KLRK1: variants seen among roughly 807,000 people sequenced by gnomAD.
KLRK1 encodes the protein NKG2-D type II integral membrane protein.
KLRK1 carries 40 observed loss-of-function variants against 31.3 expected under a neutral mutation model. That is an observed-to-expected ratio of 1.28 (90% CI 0.99 to 1.67). The LOEUF is 1.67. Ranked by LOEUF, KLRK1 falls within the 40% of genes most tolerant of loss-of-function variation. The pLI is 0.00. For synonymous variants in KLRK1, 77 were observed against 77.3 expected (o/e 1.00, Z 0.02); for missense variants, 251 against 260.0 (o/e 0.97, Z 0.24).
chr12:10,385,665 C>T (rs996772787), intron 3 of KLRK1, among the ~76,000 whole-genome samples: 1 of 151,982 alleles, frequency 6.6e-6, no homozygotes, highest in African/African-American at 2.4e-5. Flanking sequence ...ATTACAGCTA[C>T]ATGCGGGATT....
chr12:10,375,259 A>G (rs1476770867), intron 7 of KLRK1, among the ~76,000 whole-genome samples: 3 of 152,244 alleles, frequency 2.0e-5, no homozygotes, highest in Non-Finnish European at 4.4e-5. Flanking sequence ...AAATTTAAAA[A>G]TCAGCGAAAA....
intron 3 of KLRK1, among the ~76,000 whole-genome samples, chr12:10,380,555 G>C (rs1863056302): frequency 1.3e-5 from 2 of 152,158 alleles, no homozygotes; most frequent in South Asian, 4.1e-4. Context: ...AAGTCTCTCT[G>C]AGGCACAGAT....
At chr12:10,389,272 C>T (rs1282777392) in intron 1 of KLRK1, among the ~76,000 whole-genome samples, 1 of 151,756 alleles carries the variant, frequency 6.6e-6, no homozygotes, top group Non-Finnish European at 1.5e-5. Context: ...AGTTTTCTTT[C>T]TGCAAGCTAA....
At chr12:10,379,235 G>GA (rs879700584) in intron 5 of KLRK1, 1 of 102,528 alleles carries the variant, frequency 9.8e-6, no homozygotes, top group Non-Finnish European at 1.8e-5. Context: ...AAAAAAAAAA[G>GA]AGAGAGAGAG....
At position 10,379,705 on chromosome 12, in the gene KLRK1, A is replaced by G. The variant is rs749014268; in HGVS notation, c.236T>C (p.Leu79Pro). The G allele has an allele frequency of 2.5e-6, 4 of 1,605,220 alleles. No individual in the cohort carries two copies. Among genetic ancestry groups the G allele is most frequent in the African/African-American group, 1.3e-5 (1 of 74,684 alleles). The change falls in exon 4 of 8, where the codon CTA becomes CCA. Residue 79 changes from leucine to proline, a missense_variant. Transcript: ENST00000240618. ...ACTTCTCTGTTGTCACTTACAGTTT[A>G]GGAATACAGCACTCCATATTGTTAC... ...IMVTIWSAVF[L>P]NSLFNQEVQI...
chr12:10,376,881 A>ATCTCGGCTCAC (rs147766287), intron 7 of KLRK1, among the ~76,000 whole-genome samples: 6,539 of 152,058 alleles, frequency 0.043, 393 homozygotes, highest in South Asian at 0.27. Flanking sequence ...CAGCGGCGCA[A>ATCTCGGCTCAC]TCTCGGCTCA....
chr12:10,379,680 A>T lies in KLRK1; in HGVS notation c.241+20T>A. On this transcript the variant is annotated intron_variant, in intron 4 of 7. Coordinates refer to ENST00000240618, the MANE Select transcript of KLRK1 (RefSeq NM_007360.4). ...TGTTAAATTGACAATGTTGCAATCT[A>T]CTTCTCTGTTGTCACTTACAGTTTA... 6.3e-7 allele frequency: 1 copy of T among 1,579,866 alleles called. No homozygotes were observed. The highest frequency in any genetic ancestry group is 8.6e-7 in the Non-Finnish European group (1 of 1,163,762).
At chr12:10,384,800 T>G (rs986571475) in intron 3 of KLRK1, among the ~76,000 whole-genome samples, 1 of 151,860 alleles carries the variant, frequency 6.6e-6, no homozygotes, top group South Asian at 2.1e-4. Flanking sequence ...ATTGACAGAG[T>G]GAAGAGACAA....
chr12:10,386,806 G>T, intron 3 of KLRK1, 97 bp downstream of exon 3: 1 of 757,734 alleles, frequency 1.3e-6, no homozygotes, highest in Non-Finnish European at 2.0e-6. Context: ...TCCTCATGAA[G>T]ATAAAGTCAA....
rs867366033 is a variant in KLRK1, at chr12:10,388,807, C to A, written c.4G>T (p.Gly2Trp). M[G>W]WIRGRRSRHS... is the part of the protein sequence containing the mutation. Reference sequence around the variant, plus strand: ...CGAGACCTCCGACCACGAATCCACCCCATCAAATACTTATAAGTGCACGTC... The same window carrying A: ...CGAGACCTCCGACCACGAATCCACCACATCAAATACTTATAAGTGCACGTC... The change falls in exon 2 of 8, where the codon GGG becomes TGG. Residue 2 changes from glycine to tryptophan, a missense_variant. Physicochemically the swap from Gly to Trp is radical, Grantham distance 184. Coordinates refer to ENST00000240618, the MANE Select transcript of KLRK1 (RefSeq NM_007360.4). 6.2e-7 allele frequency: 1 copy of A among 1,613,908 alleles called. No homozygotes were observed. The highest frequency in any genetic ancestry group is 1.1e-5 in the South Asian group (1 of 91,074).
rs1863011853 is a variant in KLRK1, at chr12:10,378,725, TATTA to T, written c.278-24_278-21del. On this transcript the variant is annotated intron_variant, in intron 5 of 7. Coordinates refer to ENST00000240618, the MANE Select transcript of KLRK1 (RefSeq NM_007360.4). Reference sequence around the variant, plus strand: ...AACTTTCTGGAAAAGGAGAATATATTATTAATTCTACACATCTGAACCATTATAG... The same window carrying T: ...AACTTTCTGGAAAAGGAGAATATATTATTCTACACATCTGAACCATTATAG... 4 of 1,579,592 alleles carry T rather than the reference TATTA, an allele frequency of 2.5e-6. No individual in the cohort carries two copies. Among genetic ancestry groups the T allele is most frequent in the African/African-American group, 2.7e-5 (2 of 72,872 alleles).
rs994385517 is a variant in KLRK1 at position 10,376,372 on chromosome 12, A to T, written c.533+1760T>A. On this transcript the variant is annotated intron_variant, in intron 7 of 7. Coordinates refer to ENST00000240618, the MANE Select transcript of KLRK1 (RefSeq NM_007360.4). ...TAATGAAAATGAAATTAAATTAGAA[A>T]TCAATAATAAAAATGTCTGAAAAAT... is the stretch of plus-strand genomic sequence containing the variant. 6.6e-5 allele frequency among the ~76,000 whole-genome samples: 10 copies of T among 152,364 alleles called. No individual in the cohort carries two copies. The East Asian group carries it at 7.7e-4, about 12-fold the overall frequency.
At chr12:10,379,675 A>AT in intron 4 of KLRK1, 25 bp downstream of exon 4, 1 of 1,570,378 alleles carries the variant, frequency 6.4e-7, no homozygotes. Context: ...ACAATGTTGC[A>AT]ATCTACTTCT....
intron 3 of KLRK1, 75 bp downstream of exon 3, chr12:10,386,828 C>G (rs1283181319): frequency 1.8e-5 from 19 of 1,055,258 alleles, no homozygotes; most frequent in Non-Finnish European, 2.5e-5. Context: ...TGAATGATTG[C>G]CATTCATTTA....
chr12:10,373,242 G>A lies in KLRK1; in HGVS notation c.534-11C>T, dbSNP rs1862896538. ...TCAATTATTGTTAGTCTAGAGGAGA[G>A]ACAATTACAAATTACATACATGATT... is the stretch of plus-strand genomic sequence containing the variant. On this transcript the variant is annotated splice_polypyrimidine_tract_variant and intron_variant, in intron 7 of 7. Transcript: ENST00000240618. 3 of 1,558,528 alleles carry A rather than the reference G, an allele frequency of 1.9e-6. No homozygotes were observed. Among genetic ancestry groups the A allele is most frequent in the East Asian group, 4.7e-5 (2 of 42,782 alleles).
chr12:10,375,647 T>A (rs1378340907), intron 7 of KLRK1, among the ~76,000 whole-genome samples: 1 of 152,204 alleles, frequency 6.6e-6, no homozygotes, highest in Non-Finnish European at 1.5e-5. Context: ...ATATTTGTGA[T>A]ATTATGAGAC....
chr12:10,375,427 A>C (rs1313079275), intron 7 of KLRK1, among the ~76,000 whole-genome samples: 1 of 152,204 alleles, frequency 6.6e-6, no homozygotes, highest in African/African-American at 2.4e-5. Flanking sequence ...TTAAAATAAC[A>C]CCTGTATACA....
intron 5 of KLRK1, 144 bp from the exon 6 acceptor site, chr12:10,378,849 T>G: frequency 7.1e-6 from 7 of 982,554 alleles, no homozygotes; most frequent in Non-Finnish European, 1.0e-5. Flanking sequence ...GGCATATCTC[T>G]ACATATTCAT....
chr12:10,378,018 T>C, intron 7 of KLRK1, 114 bp downstream of exon 7: 1 of 1,117,956 alleles, frequency 8.9e-7, no homozygotes, highest in South Asian at 1.6e-5. Context: ...TTTTACTAAA[T>C]CTATTAGAAT....
Sources: allele counts gnomAD v4.1 joint callset (sites outside exome capture counted in the v4.1 genomes callset), GRCh38; gene constraint gnomAD v4.1.1; transcripts MANE v1.5; gene names NCBI Gene and HGNC (gene_info 2026-07-23, HGNC 2026-07-21).